Variants in SCUBE3 observed in about 807,000 individuals in gnomAD.
SCUBE3 encodes signal peptide, CUB domain and EGF like domain containing 3, also known as signal peptide, CUB and EGF-like domain-containing protein 3.
A neutral mutation model predicts 116.8 loss-of-function variants in SCUBE3; 33 were observed. The ratio of observed to expected loss-of-function variants is 0.28; its 90% CI spans 0.21 to 0.38. The LOEUF (loss-of-function observed/expected upper bound fraction) is 0.38. SCUBE3 is among the 10% of genes least tolerant of loss of function. The probability of loss-of-function intolerance (pLI) is 1.00; values close to 1 mark genes in which losing one functional copy is unlikely to be tolerated. For missense variants in SCUBE3, 1,007 were observed against 1,324.8 expected, an observed-to-expected ratio of 0.76 and a Z score of 3.72; for synonymous variants, 418 against 496.9, an observed-to-expected ratio of 0.84 and a Z score of 2.11.
At position 35,243,727 on chromosome 6, in the gene SCUBE3, T is replaced by A; in HGVS notation, c.2043T>A (p.Leu681=). The A allele has an allele frequency of 6.2e-7, 1 of 1,614,072 alleles. No individual in the cohort carries two copies. The change falls in exon 16 of 22, where the codon CTT becomes CTA. Residue 681 remains leucine, a synonymous_variant. Transcript: ENST00000274938. This position sits in a 1 kb window ranked among gnomAD's most constrained non-coding sequence, Gnocchi z 6.6. ...CTGGGAGTGATGCCCACGGGCCTCT[T>A]GGAGCCACCAACGTCACCACGTGTG... ...LCPGSDAHGP[L]GATNVTTCAG...
At chr6:35,226,480 CTTTTTTTTT>C (rs764779695) in intron 1 of SCUBE3, among the ~76,000 whole-genome samples, 10 of 85,204 alleles carry the variant, frequency 1.2e-4, no homozygotes, top group African/African-American at 2.9e-4. Flanking sequence ...TTTCTATGTC[CTTTTTTTTT>C]TTTTTTTTTT....
At chr6:35,227,489 AG>A in intron 1 of SCUBE3, 90 bp from the exon 2 acceptor site, 1 of 1,384,438 alleles carries the variant, frequency 7.2e-7, no homozygotes, top group Non-Finnish European at 1.0e-6. Context: ...GTTTTAGAGA[AG>A]AGGGGATTCT....
Position 35,219,123 on chromosome 6 carries a change from T to C in SCUBE3, c.85+4620T>C, listed in dbSNP as rs1483188096. 6.6e-6 allele frequency among the ~76,000 whole-genome samples: 1 copy of C among 152,170 alleles called. No individual in the cohort carries two copies. The highest frequency in any genetic ancestry group is 1.5e-5 in the Non-Finnish European group (1 of 68,032). On this transcript the variant is annotated intron_variant, in intron 1 of 21. Transcript: ENST00000274938. The surrounding 1 kb of genome is among the most constrained non-coding windows in gnomAD (Gnocchi z 4.7). ...AGGTCATCTGGATACTCTTCCTTTCTTCCCCCACCCCAGTTTCCTGGAACC... is the reference window on the plus strand; with the variant it reads ...AGGTCATCTGGATACTCTTCCTTTCCTCCCCCACCCCAGTTTCCTGGAACC...
Position 35,235,367 on chromosome 6 carries a change from G to T in SCUBE3, c.712+2066G>T. On this transcript the variant is annotated intron_variant, in intron 6 of 21. Coordinates refer to ENST00000274938, the MANE Select transcript of SCUBE3 (RefSeq NM_152753.4). This position sits in a 1 kb window ranked among gnomAD's most constrained non-coding sequence, Gnocchi z 4.5. Reference sequence around the variant, plus strand: ...TTTGGGCTGGCAGTGGGGAGGAGAGGGTGGGGAGGGGTCCGGGGCCAGAGG... The same window carrying T: ...TTTGGGCTGGCAGTGGGGAGGAGAGTGTGGGGAGGGGTCCGGGGCCAGAGG... 1 of 599,844 alleles carries T rather than the reference G, an allele frequency of 1.7e-6. No individual in the cohort carries two copies. The highest frequency in any genetic ancestry group is 2.8e-6 in the Non-Finnish European group (1 of 358,718). 37.2% of individuals were successfully genotyped at this position (599,844 alleles called of 1,614,324 possible).
rs372434706 is a variant in SCUBE3, at chr6:35,241,108, G to A, written c.1070-33G>A. ...CTCCGGCTCCTCCTCCAACTCCATC[G>A]TTGTTTTTCTGTCTCCCTACTCCTT... On this transcript the variant is annotated intron_variant, in intron 9 of 21. Coordinates refer to ENST00000274938, the MANE Select transcript of SCUBE3 (RefSeq NM_152753.4). The surrounding 1 kb of genome is among the most constrained non-coding windows in gnomAD (Gnocchi z 4.1). 8.3e-6 allele frequency: 13 copies of A among 1,562,770 alleles called. No homozygotes were observed. The highest frequency in any genetic ancestry group is 8.1e-5 in the African/African-American group (6 of 73,776).
chr6:35,238,232 C>T (rs1248905309), intron 7 of SCUBE3, among the ~76,000 whole-genome samples: 1 of 152,134 alleles, frequency 6.6e-6, no homozygotes, highest in Non-Finnish European at 1.5e-5. Context: ...CCTTCCCCTA[C>T]CCCACCTTGT....
chr6:35,251,279 T>C lies in SCUBE3; in HGVS notation c.*2574T>C, dbSNP rs1324655430. The C allele has an allele frequency of 2.0e-5, 3 of 151,738 alleles. No homozygotes were observed. Among genetic ancestry groups the C allele is most frequent in the African/African-American group, 7.3e-5 (3 of 41,242 alleles). The allele number at this position is 151,738 out of a possible 1,614,324, so 9.4% of individuals were successfully genotyped here. ...AGCAATTCTGCCTCGGCCTCCCAAG[T>C]AGCTGGGATTACAGGCATGCGCCAC... On this transcript the variant is annotated 3_prime_UTR_variant, in exon 22 of 22. Coordinates refer to ENST00000274938, the MANE Select transcript of SCUBE3 (RefSeq NM_152753.4).
chr6:35,241,026 C>T lies in SCUBE3; in HGVS notation c.1070-115C>T, dbSNP rs368801076. On this transcript the variant is annotated intron_variant, in intron 9 of 21. Transcript: ENST00000274938. The surrounding 1 kb of genome is among the most constrained non-coding windows in gnomAD (Gnocchi z 4.1). Reference sequence around the variant, plus strand: ...CAGTAGATCTCTCGAACTTATTCATCTTGCGTAATGCAGGGTACCTGAAAC... The same window carrying T: ...CAGTAGATCTCTCGAACTTATTCATTTTGCGTAATGCAGGGTACCTGAAAC... 1 of 971,880 alleles carries T rather than the reference C, an allele frequency of 1.0e-6. No homozygotes were observed. 60.2% of individuals were successfully genotyped at this position (971,880 alleles called of 1,614,324 possible).
At chr6:35,242,891 C>T in intron 14 of SCUBE3, 111 bp downstream of exon 14, 1 of 1,509,846 alleles carries the variant, frequency 6.6e-7, no homozygotes, top group Non-Finnish European at 9.2e-7. Context: ...AGGGGCAGAC[C>T]CTGCCTGGTG....
Position 35,214,653 on chromosome 6 carries a change from C to G in SCUBE3, c.85+150C>G. The G allele has an allele frequency of 2.2e-6, 1 of 462,282 alleles. No homozygotes were observed. The highest frequency in any genetic ancestry group is 3.6e-6 in the Non-Finnish European group (1 of 280,642). 28.6% of individuals were successfully genotyped at this position (462,282 alleles called of 1,614,324 possible). ...CACCCGGACTCCCCGGCCAGGGGCC[C>G]GACCGCTGGGCGCTGCGCCCCGAGC... On this transcript the variant is annotated intron_variant, in intron 1 of 21. Transcript: ENST00000274938. This position sits in a 1 kb window ranked among gnomAD's most constrained non-coding sequence, Gnocchi z 6.3.
At chr6:35,220,341 A>G (rs1783074324) in intron 1 of SCUBE3, 1 of 152,234 alleles carries the variant, frequency 6.6e-6, no homozygotes, top group African/African-American at 2.4e-5. Context: ...ACCAACCTGC[A>G]TGAAAAAACT....
rs762355438 is a variant in SCUBE3 at position 35,214,411 on chromosome 6, C to T, written c.-8C>T. ...GCCCCGGCGGCTGGGCCGCCAGTAG[C>T]TCCAGCCATGGGCTCGGGGCGCGTA... On this transcript the variant is annotated 5_prime_UTR_variant, in exon 1 of 22. Coordinates refer to ENST00000274938, the MANE Select transcript of SCUBE3 (RefSeq NM_152753.4). The surrounding 1 kb of genome is among the most constrained non-coding windows in gnomAD (Gnocchi z 6.3). 96 of 1,443,932 alleles carry T rather than the reference C, an allele frequency of 6.6e-5. 1 individual carries two copies. The East Asian group carries it at 2.8e-3, about 42-fold the overall frequency. The allele number at this position is 1,443,932 out of a possible 1,614,324, so 89.4% of individuals were successfully genotyped here. A position where few individuals can be genotyped will look rare whatever the true frequency, so the allele number is the denominator to read the frequency against.
intron 1 of SCUBE3, chr6:35,223,142 T>C (rs2150287217): frequency 6.6e-6 from 1 of 152,350 alleles, no homozygotes; most frequent in East Asian, 1.9e-4. Flanking sequence ...GCTATGTTCA[T>C]GCCATTGCAT....
rs927794797 is a variant in SCUBE3 at position 35,251,688 on chromosome 6, T to C, written c.*2983T>C. On this transcript the variant is annotated 3_prime_UTR_variant, in exon 22 of 22. Coordinates refer to ENST00000274938, the MANE Select transcript of SCUBE3 (RefSeq NM_152753.4). ...AGGCATAGACCACTAGGCTTCTTAA[T>C]TGATGTCAAGGCAGATCTTGGTGAG... 1.3e-5 allele frequency: 2 copies of C among 152,242 alleles called. No individual in the cohort carries two copies. The highest frequency in any genetic ancestry group is 2.4e-5 in the African/African-American group (1 of 41,448). 9.4% of individuals were successfully genotyped at this position (152,242 alleles called of 1,614,324 possible).
intron 3 of SCUBE3, among the ~76,000 whole-genome samples, chr6:35,230,409 GGGTTAGGGTTCAA>G (rs1783496135): frequency 1.3e-5 from 2 of 152,212 alleles, no homozygotes; most frequent in Admixed American, 1.3e-4. Flanking sequence ...AGATTACCTA[GGGTTAGGGTTCAA>G]AGTCTCAATA....
At chr6:35,242,971 C>T (rs1784140642) in intron 14 of SCUBE3, 50 bp from the exon 15 acceptor site, 2 of 1,584,052 alleles carry the variant, frequency 1.3e-6, no homozygotes, top group Non-Finnish European at 1.7e-6. Flanking sequence ...TGCCCTCCTG[C>T]TCACAGCAAC....
Position 35,234,665 on chromosome 6 carries a change from A to T in SCUBE3, c.712+1364A>T, listed in dbSNP as rs561943524. 2.6e-5 allele frequency among the ~76,000 whole-genome samples: 4 copies of T among 152,338 alleles called. No individual in the cohort carries two copies. The East Asian group carries it at 7.7e-4, about 29-fold the overall frequency. On this transcript the variant is annotated intron_variant, in intron 6 of 21. Transcript: ENST00000274938. The stretch of plus-strand genomic sequence containing the variant: ...AAAGCTCTCACCACCTCCTGGACAC[A>T]TTCACACATCCCCAGTCTCTCAAAA...
intron 3 of SCUBE3, among the ~76,000 whole-genome samples, chr6:35,230,388 T>C (rs1200509149): frequency 6.6e-6 from 1 of 152,068 alleles, no homozygotes; most frequent in East Asian, 1.9e-4. Context: ...ATAGAGAGGG[T>C]CAAGGGACAA....
rs1247746558 is a variant in SCUBE3, at chr6:35,214,554, C to T, written c.85+51C>T. 2 of 1,245,710 alleles carry T rather than the reference C, an allele frequency of 1.6e-6. No homozygotes were observed. Among genetic ancestry groups the T allele is most frequent in the East Asian group, 6.2e-5 (2 of 32,034 alleles). 77.2% of individuals were successfully genotyped at this position (1,245,710 alleles called of 1,614,324 possible). On this transcript the variant is annotated intron_variant, in intron 1 of 21. Transcript: ENST00000274938. The surrounding 1 kb of genome is among the most constrained non-coding windows in gnomAD (Gnocchi z 6.3). ...GGGGGCTGTCCTGGCTGCTGGGCCT[C>T]AGGGCCTAGGAGCGATTCCCGAGGG...
Sources: gnomAD v4.1 joint callset for allele counts (sites outside exome capture counted in the v4.1 genomes callset) on GRCh38, gnomAD v4.1.1 for gene constraint, Gnocchi (gnomAD v3.1) non-coding constraint, MANE v1.5 for transcripts, NCBI Gene and HGNC (gene_info 2026-07-23, HGNC 2026-07-21) for gene names.